POLN: variants seen among roughly 807,000 people sequenced by gnomAD.
POLN encodes the protein DNA polymerase nu.
POLN carries 108 observed loss-of-function variants against 113.5 expected under a neutral mutation model. That is an observed-to-expected ratio of 0.95 (90% CI 0.81 to 1.12). The LOEUF (loss-of-function observed/expected upper bound fraction) is 1.12. Among genes scored for constraint, POLN ranks in the 50% most tolerant of loss-of-function variants. POLN has a pLI of 0.00. For missense variants in POLN, 1,097 were observed against 1,077.1 expected, an observed-to-expected ratio of 1.02 and a Z score of -0.26; for synonymous variants, 386 against 391.5, an observed-to-expected ratio of 0.99 and a Z score of 0.17.
intron 1 of POLN, 47 bp downstream of exon 1, chr4:2,242,004 T>C: frequency 2.0e-6 from 2 of 985,448 alleles, no homozygotes; most frequent in East Asian, 1.1e-4. Flanking sequence ...CGGCCACTCC[T>C]CCAGCCCCAC....
intron 16 of POLN, among the ~76,000 whole-genome samples, chr4:2,142,195 T>TA (rs1335883401): frequency 3.3e-5 from 5 of 152,248 alleles, no homozygotes; most frequent in Non-Finnish European, 7.3e-5. Flanking sequence ...CTCATGCCGA[T>TA]ACTTTTCTTG....
intron 7 of POLN, among the ~76,000 whole-genome samples, chr4:2,190,023 CAAAAAAAAA>C (rs58730240): frequency 1.2e-5 from 1 of 86,138 alleles, no homozygotes. Context: ...GACTCCATCT[CAAAAAAAAA>C]AAAAAAAAAA....
intron 16 of POLN, among the ~76,000 whole-genome samples, chr4:2,143,010 G>A (rs1490314325): frequency 3.3e-5 from 5 of 151,886 alleles, no homozygotes; most frequent in African/African-American, 1.2e-4. Context: ...TCCCTTACAC[G>A]TTTAACTCTG....
At chr4:2,105,884 G>C (rs1731054650) in intron 19 of POLN, among the ~76,000 whole-genome samples, 1 of 152,012 alleles carries the variant, frequency 6.6e-6, no homozygotes, top group Non-Finnish European at 1.5e-5. Flanking sequence ...TCTCTCTACA[G>C]AAACTGATGG....
At chr4:2,166,048 A>G (rs1319304353) in intron 13 of POLN, among the ~76,000 whole-genome samples, 1 of 152,210 alleles carries the variant, frequency 6.6e-6, no homozygotes, top group Non-Finnish European at 1.5e-5. Flanking sequence ...ACGTGCTGGG[A>G]TTATAGGTGT....
intron 5 of POLN, among the ~76,000 whole-genome samples, chr4:2,204,598 G>A (rs1398113588): frequency 1.3e-5 from 2 of 152,196 alleles, no homozygotes; most frequent in South Asian, 4.1e-4. Context: ...TGTGAAGTCA[G>A]TATCACCCTA....
chr4:2,183,929 C>G (rs2108752923), intron 7 of POLN, among the ~76,000 whole-genome samples: 1 of 151,408 alleles, frequency 6.6e-6, no homozygotes, highest in African/African-American at 2.4e-5. Context: ...TCTCTGCTCA[C>G]TGCAATCTCT....
At chr4:2,219,124 C>G (rs1347876431) in intron 3 of POLN, among the ~76,000 whole-genome samples, 2 of 152,146 alleles carry the variant, frequency 1.3e-5, no homozygotes, top group Non-Finnish European at 2.9e-5. Flanking sequence ...ACAGTCTGTT[C>G]ATTCCAAATA....
rs187249654 is a variant in POLN at position 2,183,930 on chromosome 4, T to C, written c.1022-4465A>G. 5.9e-5 allele frequency among the ~76,000 whole-genome samples: 9 copies of C among 151,694 alleles called. No individual in the cohort carries two copies. The East Asian group carries it at 1.6e-3, about 26-fold the overall frequency. On this transcript the variant is annotated intron_variant, in intron 7 of 25. Transcript: ENST00000511885. ...AGAGTCTTGCGAGATCTCTGCTCAC[T>C]GCAATCTCTGCCTGCCAGGTTCAGG...
intron 2 of POLN, chr4:2,240,872 T>C: frequency 6.2e-7 from 1 of 1,611,208 alleles, no homozygotes; most frequent in Non-Finnish European, 8.5e-7. Flanking sequence ...AGTCAAAGTC[T>C]TCTCCATTAA....
chr4:2,113,509 C>T (rs1731246775), intron 19 of POLN, among the ~76,000 whole-genome samples: 1 of 151,820 alleles, frequency 6.6e-6, no homozygotes, highest in Non-Finnish European at 1.5e-5. Flanking sequence ...CCCCTTTCTC[C>T]TCTGTACTTT....
intron 4 of POLN, among the ~76,000 whole-genome samples, chr4:2,209,901 A>G (rs1936400124): frequency 1.3e-5 from 2 of 149,958 alleles, no homozygotes; most frequent in African/African-American, 4.9e-5. Context: ...GACTCAAGCA[A>G]TCTGCCCGCC....
intron 2 of POLN, chr4:2,241,160 G>A (rs1193917453): frequency 2.1e-6 from 1 of 473,364 alleles, no homozygotes; most frequent in Non-Finnish European, 3.7e-6. Context: ...AGAAGACACA[G>A]ACAAATATCA....
chr4:2,207,157 GA>G (rs1202861753), intron 5 of POLN, among the ~76,000 whole-genome samples: 6 of 152,152 alleles, frequency 3.9e-5, no homozygotes, highest in Non-Finnish European at 8.8e-5. Flanking sequence ...AATGGAAAAC[GA>G]AACATTGTAT....
chr4:2,208,902 C>T (rs1468035473), intron 4 of POLN, among the ~76,000 whole-genome samples: 2 of 151,932 alleles, frequency 1.3e-5, no homozygotes, highest in African/African-American at 4.8e-5. Flanking sequence ...GCAGGAGAAT[C>T]ACTTGAATTC....
intron 3 of POLN, among the ~76,000 whole-genome samples, chr4:2,223,816 A>G (rs1016716107): frequency 6.6e-6 from 1 of 152,226 alleles, no homozygotes; most frequent in African/African-American, 2.4e-5. Flanking sequence ...GGCACTTACC[A>G]TAAATGGAGC....
chr4:2,128,780 C>T lies in POLN; in HGVS notation c.1867+399G>A, dbSNP rs183302507. On this transcript the variant is annotated intron_variant, in intron 18 of 25. Coordinates refer to ENST00000511885, the MANE Select transcript of POLN (RefSeq NM_181808.4). ...TAGAATTTATTTGAAAGAGGCCAGC[C>T]GCAGTGGCTTATGCCTGTAATCCCA... 5.9e-5 allele frequency among the ~76,000 whole-genome samples: 9 copies of T among 152,298 alleles called. No individual in the cohort carries two copies. The East Asian group carries it at 7.7e-4, about 13-fold the overall frequency.
At chr4:2,166,611 C>G (rs1392276603) in intron 13 of POLN, among the ~76,000 whole-genome samples, 4 of 152,134 alleles carry the variant, frequency 2.6e-5, no homozygotes, top group African/African-American at 7.2e-5. Flanking sequence ...CAGGGACTAT[C>G]CAATCAGCTA....
At position 2,080,367 on chromosome 4, in the gene POLN, G is replaced by GC. The variant is rs56785461; in HGVS notation, c.2387+590dup. Reference sequence around the variant, plus strand: ...TGGCCTGGGGGGCAGCCAGGGCGGAGCCCCCCCCCACCAAGGCACATCTGC... The same window carrying GC: ...TGGCCTGGGGGGCAGCCAGGGCGGAGCCCCCCCCCCACCAAGGCACATCTGC... On this transcript the variant is annotated intron_variant, in intron 23 of 25. Coordinates refer to ENST00000511885, the MANE Select transcript of POLN (RefSeq NM_181808.4). 7.3e-4 allele frequency: 724 copies of GC among 991,796 alleles called. 1 individual carries two copies. The highest frequency in any genetic ancestry group is 2.3e-3 in the Admixed American group (36 of 15,374). The allele number at this position is 991,796 out of a possible 1,614,324, so 61.4% of individuals were successfully genotyped here. A position where few individuals can be genotyped will look rare whatever the true frequency, so the allele number is the denominator to read the frequency against.
Sources: gnomAD v4.1 joint callset for allele counts (sites outside exome capture counted in the v4.1 genomes callset) on GRCh38, gnomAD v4.1.1 for gene constraint, MANE v1.5 for transcripts, NCBI Gene and HGNC (gene_info 2026-07-23, HGNC 2026-07-21) for gene names.